The following SAA1 variants were observed in gnomAD, a reference collection of about 807,000 sequenced individuals.
SAA1 encodes the protein serum amyloid A-1 protein.
SAA1 carries 4 observed loss-of-function variants against 9.8 expected under a neutral mutation model. That is an observed-to-expected ratio of 0.41 (90% CI 0.20 to 0.93). SAA1 has a LOEUF of 0.93. Among genes scored for constraint, SAA1 ranks in the 40% least tolerant of loss-of-function variants. The pLI is 0.33. For missense variants in SAA1, 114 were observed against 155.5 expected (o/e 0.73, Z 1.42); for synonymous variants, 47 against 57.7 (o/e 0.82, Z 0.84).
At chr11:18,267,294 A>ACG (rs1336132583) in intron 2 of SAA1, among the ~76,000 whole-genome samples, 1 of 82,304 alleles carries the variant, frequency 1.2e-5, no homozygotes, top group Non-Finnish European at 2.6e-5. Flanking sequence ...TCCAGTAACA[A>ACG]CGCACACGGG....
chr11:18,269,374 G>T (rs760367268), intron 3 of SAA1, 41 bp downstream of exon 3: 2 of 1,472,762 alleles, frequency 1.4e-6, no homozygotes, highest in South Asian at 1.4e-5. Context: ...GGTGAGCAGA[G>T]CTTGCCTGCC....
In SAA1 at chr11:18,268,831, TAAAAAAAAAAAAAAAAAAAA is replaced by T. The variant is rs371021832; in HGVS notation, c.92-351_92-332del. Among the ~76,000 whole-genome samples, 108 of 110,570 alleles carry T rather than the reference TAAAAAAAAAAAAAAAAAAAA, an allele frequency of 9.8e-4. 2 individuals carry two copies. The highest frequency in any genetic ancestry group is 1.1e-3 in the Non-Finnish European group (59 of 53,980). 72.5% of individuals were successfully genotyped at this position (110,570 alleles called of 152,430 possible). Reference sequence around the variant, plus strand: ...CTGGGCGACAGAGCAAGACTCTGTCTAAAAAAAAAAAAAAAAAAAAAAAAAAAAAAAAGAATATAAACTTT... The same window carrying T: ...CTGGGCGACAGAGCAAGACTCTGTCTAAAAAAAAAAAAGAATATAAACTTT... On this transcript the variant is annotated intron_variant, in intron 2 of 3. Coordinates refer to ENST00000356524, the MANE Select transcript of SAA1 (RefSeq NM_199161.5).
intron 3 of SAA1, 79 bp downstream of exon 3, chr11:18,269,412 C>T: frequency 6.5e-7 from 1 of 1,530,936 alleles, no homozygotes; most frequent in Non-Finnish European, 8.8e-7. Context: ...AGACGAGCTC[C>T]TTGTGGAGAA....
intron 2 of SAA1, among the ~76,000 whole-genome samples, chr11:18,267,413 T>G (rs1858068855): frequency 1.2e-5 from 1 of 83,084 alleles, no homozygotes; most frequent in African/African-American, 4.6e-5. Flanking sequence ...TGTCAGTTAC[T>G]CAGAGAAAGA....
chr11:18,269,229 G>A lies in SAA1; in HGVS notation c.126G>A (p.Met42Ile), dbSNP rs149926073. 163 of 1,602,972 alleles carry A rather than the reference G, an allele frequency of 1.0e-4. No homozygotes were observed. The highest frequency in any genetic ancestry group is 1.0e-4 in the Admixed American group (6 of 57,218). The change falls in exon 3 of 4, where the codon ATG (methionine) becomes ATA (isoleucine). Residue 42 changes from methionine to isoleucine, a missense_variant. Met to Ile is a conservative substitution (Grantham distance 10). Coordinates refer to ENST00000356524, the MANE Select transcript of SAA1 (RefSeq NM_199161.5). ...ARDMWRAYSD[M>I]REANYIGSDK... ...ACATGTGGAGAGCCTACTCTGACAT[G>A]AGAGAAGCCAATTACATCGGCTCAG...
chr11:18,268,109 G>A (rs1302278209), intron 2 of SAA1, among the ~76,000 whole-genome samples: 7 of 151,892 alleles, frequency 4.6e-5, no homozygotes, highest in East Asian at 1.9e-4. Flanking sequence ...CAAGGCTCAC[G>A]CCTGTAATTC....
intron 2 of SAA1, among the ~76,000 whole-genome samples, chr11:18,268,865 A>AAAAAAAAAAT (rs1564911715): frequency 3.3e-5 from 3 of 90,282 alleles, no homozygotes; most frequent in African/African-American, 1.3e-4. Flanking sequence ...AAAAAAAAAG[A>AAAAAAAAAAT]ATATAAACTT....
intron 3 of SAA1, among the ~76,000 whole-genome samples, 188 bp downstream of exon 3, chr11:18,269,521 C>T (rs1191989082): frequency 1.3e-5 from 2 of 152,290 alleles, no homozygotes; most frequent in Admixed American, 1.3e-4. Context: ...CCTCATCCTC[C>T]CTCTCTGGGT....
At chr11:18,268,018 C>G (rs185573448) in intron 2 of SAA1, among the ~76,000 whole-genome samples, 20 of 151,682 alleles carry the variant, frequency 1.3e-4, no homozygotes, top group Non-Finnish European at 1.5e-4. Flanking sequence ...AACTCCCCAG[C>G]AGAGTCTGCA....
chr11:18,267,295 C>T (rs1209714563), intron 2 of SAA1, among the ~76,000 whole-genome samples: 9 of 82,034 alleles, frequency 1.1e-4, no homozygotes, highest in African/African-American at 3.8e-4. Flanking sequence ...CCAGTAACAA[C>T]GCACACGGGG....
Position 18,269,736 on chromosome 11 carries a change from CAG to C in SAA1, c.254_255del (p.Arg85IlefsTer12). 6.2e-7 allele frequency: 1 copy of C among 1,613,994 alleles called. No individual in the cohort carries two copies. Among genetic ancestry groups the C allele is most frequent in the Middle Eastern group, 1.7e-4 (1 of 6,056 alleles). On this transcript the variant is annotated frameshift_variant, in exon 4 of 4. Coordinates refer to ENST00000356524, the MANE Select transcript of SAA1 (RefSeq NM_199161.5). LOFTEE classifies it low-confidence loss of function (END_TRUNC). The stretch of plus-strand genomic sequence containing the variant: ...TTACAGCGATGCCAGAGAGAATATC[CAG>C]AGATTCTTTGGCCATGGTGCGGAGG... ...EVITDARENI[Q>X]RFFGHGAEDS...
At chr11:18,268,590 T>C (rs1858105066) in intron 2 of SAA1, among the ~76,000 whole-genome samples, 5 of 152,046 alleles carry the variant, frequency 3.3e-5, no homozygotes, top group Admixed American at 3.3e-4. Flanking sequence ...TCCCAGCACT[T>C]TGGGAGGCCA....
At chr11:18,268,831 T>TAAAAAAAAAAAAAAAA (rs371021832) in intron 2 of SAA1, among the ~76,000 whole-genome samples, 1 of 110,594 alleles carries the variant, frequency 9.0e-6, no homozygotes, top group Non-Finnish European at 1.9e-5. Flanking sequence ...AGACTCTGTC[T>TAAAAAAAAAAAAAAAA]AAAAAAAAAA....
Position 18,269,955 on chromosome 11 carries a change from T to G in SAA1, c.*100T>G. ...TACACAATGGGTATCTAATAAATAC[T>G]TAAGAGGTGGAATTTGTGGAAACTG... On this transcript the variant is annotated 3_prime_UTR_variant, in exon 4 of 4. Coordinates refer to ENST00000356524, the MANE Select transcript of SAA1 (RefSeq NM_199161.5). The G allele has an allele frequency of 1.3e-6, 2 of 1,549,432 alleles. No individual in the cohort carries two copies. Among genetic ancestry groups the G allele is most frequent in the Non-Finnish European group, 1.7e-6 (2 of 1,149,154 alleles).
Position 18,269,927 on chromosome 11 carries a change from G to T in SAA1, c.*72G>T. 6.3e-7 allele frequency: 1 copy of T among 1,595,672 alleles called. No homozygotes were observed. The highest frequency in any genetic ancestry group is 8.5e-7 in the Non-Finnish European group (1 of 1,170,948). ...AGGGCAGGGATACAAAGCGGGGAGAGGGTACACAATGGGTATCTAATAAAT... is the reference window on the plus strand; with the variant it reads ...AGGGCAGGGATACAAAGCGGGGAGATGGTACACAATGGGTATCTAATAAAT... On this transcript the variant is annotated 3_prime_UTR_variant, in exon 4 of 4. Coordinates refer to ENST00000356524, the MANE Select transcript of SAA1 (RefSeq NM_199161.5).
intron 2 of SAA1, among the ~76,000 whole-genome samples, chr11:18,268,703 C>A (rs574833541): frequency 8.9e-4 from 136 of 152,090 alleles, no homozygotes; most frequent in African/African-American, 3.2e-3. Context: ...CGTGATGGCG[C>A]ATGCCTGTAA....
intron 3 of SAA1, among the ~76,000 whole-genome samples, 181 bp downstream of exon 3, chr11:18,269,514 CAT>C: frequency 1.3e-5 from 2 of 152,158 alleles, no homozygotes; most frequent in African/African-American, 4.8e-5. Flanking sequence ...AGTGATTCCT[CAT>C]CCTCCCTCTC....
chr11:18,268,509 G>A (rs1232054974), intron 2 of SAA1, among the ~76,000 whole-genome samples: 1 of 152,142 alleles, frequency 6.6e-6, no homozygotes, highest in African/African-American at 2.4e-5. Context: ...TGGAACTCAC[G>A]TCACAATGAC....
At chr11:18,268,801 C>A (rs1056942775) in intron 2 of SAA1, among the ~76,000 whole-genome samples, 1 of 144,356 alleles carries the variant, frequency 6.9e-6, no homozygotes, top group African/African-American at 2.6e-5. Context: ...CCACTGCACT[C>A]CAGCCTGGGC....
Sources: gnomAD v4.1 joint callset for allele counts (sites outside exome capture counted in the v4.1 genomes callset) on GRCh38, gnomAD v4.1.1 for gene constraint, MANE v1.5 for transcripts, NCBI Gene and HGNC (gene_info 2026-07-23, HGNC 2026-07-21) for gene names.